SHC2: variants seen among roughly 807,000 people sequenced by gnomAD.
SHC2 encodes the protein SHC-transforming protein 2.
In SHC2, 62 loss-of-function variants were observed where a neutral mutation model predicts 60.6. The ratio of observed to expected loss-of-function variants is 1.02; its 90% CI spans 0.83 to 1.26. SHC2 has a LOEUF of 1.26. Among genes scored for constraint, SHC2 ranks in the 50% most tolerant of loss-of-function variants. The pLI is 0.00. For missense variants in SHC2, 873 were observed against 822.2 expected, an observed-to-expected ratio of 1.06 and a Z score of -0.76; for synonymous variants, 375 against 372.4, an observed-to-expected ratio of 1.01 and a Z score of -0.08.
At chr19:458,572 G>A (rs1490736020) in intron 1 of SHC2, among the ~76,000 whole-genome samples, 1 of 138,814 alleles carries the variant, frequency 7.2e-6, no homozygotes, top group African/African-American at 2.8e-5. Flanking sequence ...GTCCTGGGGA[G>A]GCGGAAGCGG....
chr19:434,491 A>G (rs1289262767), intron 8 of SHC2, among the ~76,000 whole-genome samples: 80 of 135,040 alleles, frequency 5.9e-4, no homozygotes, highest in Middle Eastern at 3.8e-3. Context: ...TCTGTGAGTG[A>G]GTGAAATCAT....
Position 422,278 on chromosome 19 carries a change from C to G in SHC2, c.1488G>C (p.Ala496=). The G allele has an allele frequency of 6.2e-7, 1 of 1,612,406 alleles. No individual in the cohort carries two copies. The highest frequency in any genetic ancestry group is 8.5e-7 in the Non-Finnish European group (1 of 1,179,656). ...CGTCAGCTCGAAGCATCCTCTCTGC[C>G]GCCCGGCGGCTCATCCGGCCGTGGT... ...PWYHGRMSRR[A]AERMLRADGD... The change falls in exon 11 of 13, where the codon GCG becomes GCC. Residue 496 remains alanine, a synonymous_variant. Transcript: ENST00000264554. The surrounding 1 kb of genome is among the most constrained non-coding windows in gnomAD (Gnocchi z 5.0).
In SHC2 at chr19:436,200, C is replaced by A; in HGVS notation, c.918G>T (p.Leu306=). ...QAFELRFKQY[L]HSPPKVALPP... Reference sequence around the variant, plus strand: ...GCAGCGCCACCTTGGGCGGGCTGTGCAGGTACTGCTTGAAGCGCAGCTCGA... The same window carrying A: ...GCAGCGCCACCTTGGGCGGGCTGTGAAGGTACTGCTTGAAGCGCAGCTCGA... Residue 306 remains leucine (L), a synonymous_variant, in exon 7 of 13, where the codon CTG becomes CTT. Coordinates refer to ENST00000264554, the MANE Select transcript of SHC2 (RefSeq NM_012435.3). 1 of 1,609,458 alleles carries A rather than the reference C, an allele frequency of 6.2e-7. No homozygotes were observed. Among genetic ancestry groups the A allele is most frequent in the Non-Finnish European group, 8.5e-7 (1 of 1,178,516 alleles).
chr19:430,836 G>A (rs1004820259), intron 8 of SHC2, 89 bp from the exon 9 acceptor site: 2 of 1,209,818 alleles, frequency 1.7e-6, no homozygotes, highest in Admixed American at 2.0e-5. Flanking sequence ...GGCCCTCTTA[G>A]ATGGCTGGAG....
intron 1 of SHC2, among the ~76,000 whole-genome samples, chr19:447,120 C>T (rs1463408761): frequency 6.6e-6 from 1 of 152,232 alleles, no homozygotes; most frequent in Non-Finnish European, 1.5e-5. Flanking sequence ...TGGGGTCCAT[C>T]CGCACTCTGG....
chr19:417,868 G>A (rs931366796), intron 12 of SHC2, among the ~76,000 whole-genome samples: 12 of 152,270 alleles, frequency 7.9e-5, no homozygotes, highest in African/African-American at 2.4e-4. Context: ...CCGCCCAGGA[G>A]AGAGGAGGCT....
chr19:458,482 G>A lies in SHC2; in HGVS notation c.468+2047C>T, dbSNP rs183805224. Reference sequence around the variant, plus strand: ...TTCCGGGGAGGCAGACGCATGTTCCGGGGGACGGGGAAGCAGGTTCCGGGG... The same window carrying A: ...TTCCGGGGAGGCAGACGCATGTTCCAGGGGACGGGGAAGCAGGTTCCGGGG... On this transcript the variant is annotated intron_variant, in intron 1 of 12. Coordinates refer to ENST00000264554, the MANE Select transcript of SHC2 (RefSeq NM_012435.3). 4.6e-5 allele frequency among the ~76,000 whole-genome samples: 6 copies of A among 129,348 alleles called. No homozygotes were observed. In the East Asian group the frequency reaches 1.1e-3, roughly 24 times the overall value. 84.9% of individuals were successfully genotyped at this position (129,348 alleles called of 152,430 possible).
rs1224716668 is a variant in SHC2 at position 425,534 on chromosome 19, C to T, written c.1175-303G>A. Among the ~76,000 whole-genome samples the T allele has an allele frequency of 1.3e-5, 2 of 152,216 alleles. No individual in the cohort carries two copies. Among genetic ancestry groups the T allele is most frequent in the Admixed American group, 1.3e-4 (2 of 15,290 alleles). On this transcript the variant is annotated intron_variant, in intron 9 of 12. Transcript: ENST00000264554. The surrounding 1 kb of genome is among the most constrained non-coding windows in gnomAD (Gnocchi z 4.1). ...AGGCAGCCGCTGCTCCACCCCACCC[C>T]GCCCTGGCCCTCCCCGGCCCAGGGT...
At position 460,810 on chromosome 19, in the gene SHC2, G is replaced by A; in HGVS notation, c.187C>T (p.Gln63Ter). 1.0e-6 allele frequency: 1 copy of A among 979,760 alleles called. No homozygotes were observed. Among genetic ancestry groups the A allele is most frequent in the Non-Finnish European group, 1.2e-6 (1 of 827,854 alleles). The allele number at this position is 979,760 out of a possible 1,614,324, so 60.7% of individuals were successfully genotyped here. Residue 63 changes from glutamine to a stop codon, truncating the protein, a stop_gained, in exon 1 of 13, where the codon CAA (glutamine) becomes TAA (stop). Coordinates refer to ENST00000264554, the MANE Select transcript of SHC2 (RefSeq NM_012435.3). LOFTEE classifies it high-confidence loss of function. Reference protein sequence around the residue: ...AAGASGGADPQPEPAGPGGVP... With the variant: ...AAGASGGADP ...CCCCCCGGGCCCGCCGGCTCGGGTTGGGGGTCCGCGCCCCCCGAGGCCCCA... is the reference window on the plus strand; with the variant it reads ...CCCCCCGGGCCCGCCGGCTCGGGTTAGGGGTCCGCGCCCCCCGAGGCCCCA...
chr19:439,492 C>G (rs1354641637), intron 2 of SHC2: 1 of 200,084 alleles, frequency 5.0e-6, no homozygotes, highest in Admixed American at 5.3e-5. Flanking sequence ...GTGGCAGGAG[C>G]TGACCCCAAA....
intron 1 of SHC2, among the ~76,000 whole-genome samples, chr19:452,054 C>A (rs1359284431): frequency 6.6e-6 from 1 of 152,236 alleles, no homozygotes; most frequent in South Asian, 2.1e-4. Context: ...GTGGCGGCCT[C>A]TGTGCTTCCC....
intron 12 of SHC2, among the ~76,000 whole-genome samples, chr19:417,728 C>G (rs1005722588): frequency 6.6e-6 from 1 of 152,190 alleles, no homozygotes; most frequent in African/African-American, 2.4e-5. Flanking sequence ...ACACAGGAGC[C>G]CGTGTGCCAC....
At chr19:444,893 C>G (rs1306508081) in intron 1 of SHC2, among the ~76,000 whole-genome samples, 1 of 152,242 alleles carries the variant, frequency 6.6e-6, no homozygotes, top group Non-Finnish European at 1.5e-5. Flanking sequence ...ATGCCATGGG[C>G]AGCAATGGCC....
chr19:441,134 A>G lies in SHC2; in HGVS notation c.469-202T>C. 1 of 984,958 alleles carries G rather than the reference A, an allele frequency of 1.0e-6. No homozygotes were observed. Among genetic ancestry groups the G allele is most frequent in the South Asian group, 4.7e-5 (1 of 21,244 alleles). The allele number at this position is 984,958 out of a possible 1,614,324, so 61.0% of individuals were successfully genotyped here. On this transcript the variant is annotated intron_variant, in intron 1 of 12. Transcript: ENST00000264554. The surrounding 1 kb of genome is among the most constrained non-coding windows in gnomAD (Gnocchi z 4.9). ...CCTGCGAGCCGCCCCCTCTGACTCC[A>G]GGCATGTTTTTCTGTGTTGCTGTTT...
At position 446,378 on chromosome 19, in the gene SHC2, A is replaced by T. The variant is rs115465743; in HGVS notation, c.469-5446T>A. On this transcript the variant is annotated intron_variant, in intron 1 of 12. Transcript: ENST00000264554. This position sits in a 1 kb window ranked among gnomAD's most constrained non-coding sequence, Gnocchi z 5.4. ...CAGGCTGGAGTGCGGTGGTGCGATCACGACTCACTGCAACTTCCGCCTCCC... is the reference window on the plus strand; with the variant it reads ...CAGGCTGGAGTGCGGTGGTGCGATCTCGACTCACTGCAACTTCCGCCTCCC... Among the ~76,000 whole-genome samples, 7,687 of 152,144 alleles carry T rather than the reference A, an allele frequency of 0.051. 567 individuals are homozygous for T. Among genetic ancestry groups the T allele is most frequent in the African/African-American group, 0.15 (6,130 of 41,480 alleles).
At chr19:457,494 T>A (rs1975377815) in intron 1 of SHC2, among the ~76,000 whole-genome samples, 1 of 147,432 alleles carries the variant, frequency 6.8e-6, no homozygotes, top group South Asian at 2.1e-4. Context: ...TCACACGATT[T>A]TAGCTCTGCA....
Position 438,901 on chromosome 19 carries a change from A to G in SHC2, c.601-64T>C. 6.4e-7 allele frequency: 1 copy of G among 1,553,460 alleles called. No individual in the cohort carries two copies. Among genetic ancestry groups the G allele is most frequent in the Middle Eastern group, 1.7e-4 (1 of 5,974 alleles). On this transcript the variant is annotated intron_variant, in intron 3 of 12. Coordinates refer to ENST00000264554, the MANE Select transcript of SHC2 (RefSeq NM_012435.3). The surrounding 1 kb of genome is among the most constrained non-coding windows in gnomAD (Gnocchi z 5.0). ...TGGGGGCTGTCGAGGGGCTCCCAGG[A>G]TGGCCGCAGCGTCCCCACAGCCCCC...
chr19:428,994 A>C (rs1306706574), intron 9 of SHC2, among the ~76,000 whole-genome samples: 2 of 151,174 alleles, frequency 1.3e-5, no homozygotes, highest in East Asian at 3.9e-4. Flanking sequence ...TGGATGACGC[A>C]GTACCTATAT....
chr19:436,468 C>A (rs770315563), intron 5 of SHC2, 37 bp from the exon 6 acceptor site: 13 of 1,600,358 alleles, frequency 8.1e-6, no homozygotes, highest in Admixed American at 1.7e-5. Context: ...CCTGCCTGGG[C>A]CCCCCACCGG....
Sources: allele counts gnomAD v4.1 joint callset (sites outside exome capture counted in the v4.1 genomes callset), GRCh38; gene constraint gnomAD v4.1.1; non-coding constraint Gnocchi (gnomAD v3.1); transcripts MANE v1.5; gene names NCBI Gene and HGNC (gene_info 2026-07-23, HGNC 2026-07-21).